The following STAB1 variants were observed in gnomAD, a reference collection of about 807,000 sequenced individuals.
STAB1 encodes stabilin-1.
A neutral mutation model predicts 332.4 loss-of-function variants in STAB1; 250 were observed. That is an observed-to-expected ratio of 0.75 (90% CI 0.68 to 0.84). The LOEUF (loss-of-function observed/expected upper bound fraction) is 0.84. STAB1 is among the 40% of genes least tolerant of loss of function. STAB1 has a pLI of 0.00. For missense variants in STAB1, 3,249 were observed against 3,489.7 expected (o/e 0.93, Z 1.74); for synonymous variants, 1,475 against 1,390.4 (o/e 1.06, Z -1.35).
At chr3:52,499,055 C>G (rs1708245715) in intron 1 of STAB1, among the ~76,000 whole-genome samples, 1 of 152,218 alleles carries the variant, frequency 6.6e-6, no homozygotes, top group South Asian at 2.1e-4. Flanking sequence ...CTTTGAGAAG[C>G]CACACATCTG....
rs1285402781 is a variant in STAB1, at chr3:52,504,511, G to A, written c.1201G>A (p.Val401Met). ...CACAGCGGGCCCTTTCACCGTGCTG[G>A]TGCCATCCGTCTCCTCCTTCTCCTC... Reference protein sequence around the residue: ...LTTAGPFTVLVPSVSSFSSRT... With the variant: ...LTTAGPFTVLMPSVSSFSSRT... Residue 401 changes from valine to methionine, a missense_variant, in exon 11 of 69, where the codon GTG (valine) becomes ATG (methionine). Val to Met is a conservative substitution (Grantham distance 21). Coordinates refer to ENST00000321725, the MANE Select transcript of STAB1 (RefSeq NM_015136.3). 5 of 1,613,930 alleles carry A rather than the reference G, an allele frequency of 3.1e-6. No individual in the cohort carries two copies. The Admixed American group carries it at 8.3e-5, about 27-fold the overall frequency.
chr3:52,511,795 C>T, intron 26 of STAB1, 50 bp downstream of exon 26: 1 of 1,436,840 alleles, frequency 7.0e-7, no homozygotes, highest in Non-Finnish European at 9.4e-7. Flanking sequence ...TGGGGTGAGC[C>T]TGGGCTGCAG....
intron 46 of STAB1, 58 bp from the exon 47 acceptor site, chr3:52,518,478 G>A: frequency 7.0e-6 from 11 of 1,561,994 alleles, no homozygotes; most frequent in Middle Eastern, 1.7e-4. Flanking sequence ...TTCCCCAGGA[G>A]ATCCATGGAC....
Position 52,507,992 on chromosome 3 carries a change from A to T in STAB1, c.2114A>T (p.Lys705Met), listed in dbSNP as rs148370323. ...CCAACGGGGCTCAATGTGCTAAAGA[A>T]GGGCTGTGCCAGCTACTGCAACCAA... ...HDPTGLNVLKKGCASYCNQTI... is the reference protein window; with the variant it reads ...HDPTGLNVLKMGCASYCNQTI... The change falls in exon 20 of 69, where the codon AAG becomes ATG. Residue 705 changes from lysine to methionine, a missense_variant. Lys to Met is a moderately conservative substitution (Grantham distance 95). Coordinates refer to ENST00000321725, the MANE Select transcript of STAB1 (RefSeq NM_015136.3). The T allele has an allele frequency of 1.1e-4, 176 of 1,613,574 alleles. No individual in the cohort carries two copies. Among genetic ancestry groups the T allele is most frequent in the Admixed American group, 5.0e-4 (30 of 60,008 alleles).
In STAB1 at chr3:52,519,940, C is replaced by T. The variant is rs749689896; in HGVS notation, c.5236-4C>T. 9 of 1,568,794 alleles carry T rather than the reference C, an allele frequency of 5.7e-6. No individual in the cohort carries two copies. The Admixed American group carries it at 1.6e-4, about 28-fold the overall frequency. Reference sequence around the variant, plus strand: ...ACTGCCACATCTTTGCTGCACCCCACCAGGTGGCCGGCCTCCTGCCCCTGC... The same window carrying T: ...ACTGCCACATCTTTGCTGCACCCCATCAGGTGGCCGGCCTCCTGCCCCTGC... On this transcript the variant is annotated splice_region_variant and splice_polypyrimidine_tract_variant and intron_variant, in intron 50 of 68. Coordinates refer to ENST00000321725, the MANE Select transcript of STAB1 (RefSeq NM_015136.3).
At chr3:52,509,149 G>A (rs1709102212) in intron 21 of STAB1, 61 bp from the exon 22 acceptor site, 15 of 1,482,432 alleles carry the variant, frequency 1.0e-5, no homozygotes, top group Non-Finnish European at 1.2e-5. Flanking sequence ...GGGGGTGTTG[G>A]GAGAGGGGAT....
In STAB1 at chr3:52,524,125, T is replaced by G. The variant is rs1402247245; in HGVS notation, c.7568T>G (p.Phe2523Cys). The change falls in exon 68 of 69, where the codon TTC becomes TGC. Residue 2523 changes from phenylalanine to cysteine, a missense_variant. Physicochemically the swap from Phe to Cys is radical, Grantham distance 205. Transcript: ENST00000321725. ...FQAEDDADDD[F>C]SPWQEGTNPT... ...GCGGAAGATGATGCTGATGACGACT[T>G]CTCACCGTGGCAAGAAGGGACCAAC... 3 of 1,613,702 alleles carry G rather than the reference T, an allele frequency of 1.9e-6. No individual in the cohort carries two copies. Among genetic ancestry groups the G allele is most frequent in the African/African-American group, 1.3e-5 (1 of 74,954 alleles).
Position 52,522,850 on chromosome 3 carries a change from G to C in STAB1, c.6820G>C (p.Asp2274His), listed in dbSNP as rs747632005. The C allele has an allele frequency of 6.2e-7, 1 of 1,613,322 alleles. No individual in the cohort carries two copies. Among genetic ancestry groups the C allele is most frequent in the Non-Finnish European group, 8.5e-7 (1 of 1,180,018 alleles). The change falls in exon 62 of 69, where the codon GAC becomes CAC. Residue 2274 changes from aspartate to histidine, a missense_variant. Transcript: ENST00000321725. The part of the protein sequence containing the change: ...TAHPVVFPVA[D>H]CGNGRVGIVS... ...CCACCCTGTGGTTTTCCCTGTGGCG[G>C]ACTGTGGCAATGGTCGGGTGGGCAT...
chr3:52,515,286 G>A, intron 36 of STAB1, 137 bp from the exon 37 acceptor site: 1 of 934,372 alleles, frequency 1.1e-6, no homozygotes, highest in Non-Finnish European at 1.7e-6. Context: ...CAGTCTGCCT[G>A]TCTTGGTCCC....
intron 21 of STAB1, among the ~76,000 whole-genome samples, chr3:52,508,909 T>G (rs1299278793): frequency 6.6e-6 from 1 of 152,200 alleles, no homozygotes; most frequent in African/African-American, 2.4e-5. Flanking sequence ...TTGGTGGTTT[T>G]CTTTTGTGTT....
Position 52,524,223 on chromosome 3 carries a change from G to A in STAB1, c.7656+10G>A. 1 of 1,614,080 alleles carries A rather than the reference G, an allele frequency of 6.2e-7. No homozygotes were observed. ...TTGTGAACCCTTCGATGTAAGCATG[G>A]AAGTGAAGAAGTGTGGCAGATGTGG... On this transcript the variant is annotated intron_variant, in intron 68 of 68. Coordinates refer to ENST00000321725, the MANE Select transcript of STAB1 (RefSeq NM_015136.3).
Position 52,512,392 on chromosome 3 carries a change from G to A in STAB1, c.2935G>A (p.Gly979Ser). Residue 979 changes from glycine to serine, a missense_variant, in exon 27 of 69, where the codon GGC (glycine) becomes AGC (serine). Transcript: ENST00000321725. Reference sequence around the variant, plus strand: ...TCAGCGGGTCTGCACGTGCCCCCCTGGCTTTGGGGGTGATGGCTTCAGCTG... The same window carrying A: ...TCAGCGGGTCTGCACGTGCCCCCCTAGCTTTGGGGGTGATGGCTTCAGCTG... ...GGQRVCTCPP[G>S]FGGDGFSCYG... 1 of 1,610,342 alleles carries A rather than the reference G, an allele frequency of 6.2e-7. No individual in the cohort carries two copies. Among genetic ancestry groups the A allele is most frequent in the Non-Finnish European group, 8.5e-7 (1 of 1,178,868 alleles).
At chr3:52,516,897 C>A (rs899102000) in intron 41 of STAB1, 87 bp from the exon 42 acceptor site, 2 of 1,599,850 alleles carry the variant, frequency 1.3e-6, no homozygotes, top group African/African-American at 2.7e-5. Flanking sequence ...TTCCCTCTGA[C>A]CTTTTCCTTT....
chr3:52,501,609 C>A, intron 2 of STAB1, 29 bp from the exon 3 acceptor site: 1 of 1,539,504 alleles, frequency 6.5e-7, no homozygotes, highest in South Asian at 1.2e-5. Flanking sequence ...GGAGCCTTTT[C>A]CATCACCCTG....
chr3:52,519,588 C>T, intron 50 of STAB1, 24 bp downstream of exon 50: 8 of 1,608,688 alleles, frequency 5.0e-6, no homozygotes, highest in Non-Finnish European at 6.8e-6. Context: ...GTGGGCCTGT[C>T]ATTGTGGACA....
In STAB1 at chr3:52,496,167, C is replaced by T. The variant is rs369018782; in HGVS notation, c.78+676C>T. On this transcript the variant is annotated intron_variant, in intron 1 of 68. Coordinates refer to ENST00000321725, the MANE Select transcript of STAB1 (RefSeq NM_015136.3). ...CAAACCCCTGCCTGTGATGGCCATC[C>T]GTGTGTGCTGGCGAGCAGACAGGGT... Among the ~76,000 whole-genome samples, 56 of 152,334 alleles carry T rather than the reference C, an allele frequency of 3.7e-4. 1 individual carries two copies. The highest frequency in any genetic ancestry group is 1.3e-3 in the African/African-American group (52 of 41,574).
At position 52,503,023 on chromosome 3, in the gene STAB1, G is replaced by A. The variant is rs1338095056; in HGVS notation, c.608G>A (p.Arg203His). ...DQELPVCQELRCPQNTQCSAE... is the reference protein window; with the variant it reads ...DQELPVCQELHCPQNTQCSAE... ...GAGCTGCCCGTCTGCCAGGAGCTGC[G>A]CTGTCCCCAGAACACCCAGTGCTCC... The change falls in exon 7 of 69, where the codon CGC becomes CAC. Residue 203 changes from arginine to histidine, a missense_variant. Physicochemically the swap from Arg to His is conservative, Grantham distance 29. Transcript: ENST00000321725. 5.5e-5 allele frequency: 88 copies of A among 1,597,058 alleles called. No individual in the cohort carries two copies. Among genetic ancestry groups the A allele is most frequent in the East Asian group, 1.6e-4 (7 of 44,320 alleles).
chr3:52,504,714 T>C (rs780217598), intron 11 of STAB1, 25 bp from the exon 12 acceptor site: 1 of 1,613,388 alleles, frequency 6.2e-7, no homozygotes, highest in Non-Finnish European at 8.5e-7. Flanking sequence ...CCCGGCTCAC[T>C]TTGCTCCCCG....
At chr3:52,518,485 G>A (rs1241793369) in intron 46 of STAB1, 51 bp from the exon 47 acceptor site, 2 of 1,562,122 alleles carry the variant, frequency 1.3e-6, no homozygotes, top group South Asian at 2.3e-5. Flanking sequence ...GGAGATCCAT[G>A]GACGCCTCAG....
Sources: gnomAD v4.1 joint callset for allele counts (sites outside exome capture counted in the v4.1 genomes callset) on GRCh38, gnomAD v4.1.1 for gene constraint, MANE v1.5 for transcripts, NCBI Gene and HGNC (gene_info 2026-07-23, HGNC 2026-07-21) for gene names.